Variants in DNAH7 observed in about 807,000 individuals in gnomAD.
DNAH7 encodes the protein axonemal beta dynein heavy chain 7.
A neutral mutation model predicts 444.6 loss-of-function variants in DNAH7; 397 were observed. That is an observed-to-expected ratio of 0.89 (90% CI 0.82 to 0.97). The LOEUF is 0.97. DNAH7 is among the 50% of genes least tolerant of loss of function. The pLI is 0.00. For synonymous variants in DNAH7, 1,636 were observed against 1,624.4 expected, an observed-to-expected ratio of 1.01 and a Z score of -0.17; for missense variants, 4,902 against 4,800.8, an observed-to-expected ratio of 1.02 and a Z score of -0.62.
At chr2:195,880,063 A>G (rs1250828177) in intron 36 of DNAH7, among the ~76,000 whole-genome samples, 1 of 152,176 alleles carries the variant, frequency 6.6e-6, no homozygotes, top group Non-Finnish European at 1.5e-5. Flanking sequence ...TAGACATGCA[A>G]TAATTTGAAG....
intron 61 of DNAH7, 31 bp downstream of exon 61, chr2:195,771,629 T>TG: frequency 2.0e-6 from 3 of 1,486,458 alleles, no homozygotes; most frequent in Non-Finnish European, 2.8e-6. Context: ...TATAATTTAA[T>TG]GGGGGTTTTT....
intron 51 of DNAH7, among the ~76,000 whole-genome samples, chr2:195,815,412 T>C (rs970747076): frequency 1.2e-4 from 18 of 151,886 alleles, no homozygotes; most frequent in African/African-American, 4.4e-4. Flanking sequence ...ATATTCAAAC[T>C]TGTAAAATAA....
chr2:195,810,575 C>A (rs566356005), intron 51 of DNAH7, among the ~76,000 whole-genome samples: 14 of 151,766 alleles, frequency 9.2e-5, no homozygotes, highest in African/African-American at 2.9e-4. Flanking sequence ...CCATGCCTGG[C>A]TAATTTTGGC....
chr2:195,905,520 G>C (rs192357252), intron 27 of DNAH7: 1 of 152,230 alleles, frequency 6.6e-6, no homozygotes, highest in Admixed American at 6.5e-5. Context: ...TTTAGTCTGG[G>C]AAGCTGTCAG....
At chr2:195,930,082 C>T (rs925298078) in intron 21 of DNAH7, among the ~76,000 whole-genome samples, 2 of 152,144 alleles carry the variant, frequency 1.3e-5, no homozygotes, top group South Asian at 2.1e-4. Flanking sequence ...CGCTGGCTCA[C>T]GCCTGTAATC....
In DNAH7 at chr2:195,957,321, T is replaced by C. The variant is rs2125511840; in HGVS notation, c.3018A>G (p.Glu1006=). The change falls in exon 19 of 65, where the codon GAA becomes GAG. Residue 1006 remains glutamate (E), a synonymous_variant. Coordinates refer to ENST00000312428, the MANE Select transcript of DNAH7 (RefSeq NM_018897.3). ...TATCCACAGCTGTAAATCGTCTGCC[T>C]TCCTCAGGCATTTGAGACATAATGT... The part of the protein sequence containing the change: ...SPDIMSQMPE[E]GRRFTAVDKT... The C allele has an allele frequency of 2.5e-6, 4 of 1,606,738 alleles. No individual in the cohort carries two copies. The East Asian group carries it at 9.0e-5, about 36-fold the overall frequency.
At chr2:195,868,779 C>T (rs112698499) in intron 40 of DNAH7, among the ~76,000 whole-genome samples, 7 of 150,446 alleles carry the variant, frequency 4.7e-5, no homozygotes, top group African/African-American at 1.5e-4. Flanking sequence ...CCAGGTGATA[C>T]GTGCATTAAC....
intron 10 of DNAH7, 100 bp from the exon 11 acceptor site, chr2:196,001,958 T>G (rs1694064014): frequency 1.1e-6 from 1 of 905,350 alleles, no homozygotes; most frequent in African/African-American, 1.7e-5. Context: ...AAGGTCTTCA[T>G]AGAGAAGTAT....
chr2:196,064,328 TA>T (rs1279805622), intron 1 of DNAH7, among the ~76,000 whole-genome samples: 16 of 22,136 alleles, frequency 7.2e-4, no homozygotes, highest in Admixed American at 1.5e-3. Flanking sequence ...AATAAATAAA[TA>T]AATAAATAAA....
At chr2:195,879,889 T>C (rs999237515) in intron 36 of DNAH7, among the ~76,000 whole-genome samples, 3 of 152,196 alleles carry the variant, frequency 2.0e-5, no homozygotes, top group Non-Finnish European at 4.4e-5. Context: ...TATGAAATTA[T>C]AGACTCCTTC....
chr2:196,032,646 GA>G (rs1461099679), intron 5 of DNAH7, among the ~76,000 whole-genome samples: 1 of 152,168 alleles, frequency 6.6e-6, no homozygotes, highest in African/African-American at 2.4e-5. Context: ...TGCCAACCAA[GA>G]AAAGTTCAAG....
Position 195,998,915 on chromosome 2 carries a change from C to G in DNAH7, c.1353+1789G>C, listed in dbSNP as rs1240269517. On this transcript the variant is annotated intron_variant, in intron 12 of 64. Transcript: ENST00000312428. ...ACAACAAAAAAAAAAGTCTAAGGGA[C>G]CAAAATGAGAGAAAGCATGAGTTGA... 5 of 501,792 alleles carry G rather than the reference C, an allele frequency of 1.0e-5. No individual in the cohort carries two copies. The East Asian group carries it at 1.5e-4, about 15-fold the overall frequency. 31.1% of individuals were successfully genotyped at this position (501,792 alleles called of 1,614,324 possible). A position where few individuals can be genotyped will look rare whatever the true frequency, so the allele number is the denominator to read the frequency against.
chr2:195,940,276 A>G (rs773133946), intron 19 of DNAH7, among the ~76,000 whole-genome samples: 25 of 152,052 alleles, frequency 1.6e-4, no homozygotes, highest in Non-Finnish European at 2.5e-4. Flanking sequence ...ATTGGGAAAA[A>G]AATCCCTATT....
rs370166766 is a variant in DNAH7, at chr2:196,047,484, C to T, written c.266G>A (p.Arg89His). Residue 89 changes from arginine (R) to histidine (H), a missense_variant, in exon 5 of 65, where the codon CGT becomes CAT. Transcript: ENST00000312428. ...GGGTAATTTGCCCTTTTTTCCAAAACGTTCCATGTATTCAGCTTAAATTAA... is the reference window on the plus strand; with the variant it reads ...GGGTAATTTGCCCTTTTTTCCAAAATGTTCCATGTATTCAGCTTAAATTAA... The part of the protein sequence containing the change: ...NEQSHAEYME[R>H]FGKKGKLPHQ... 3.1e-5 allele frequency: 50 copies of T among 1,589,236 alleles called. No individual in the cohort carries two copies. The highest frequency in any genetic ancestry group is 1.7e-4 in the Middle Eastern group (1 of 5,916).
rs566757183 is a variant in DNAH7 at position 195,779,554 on chromosome 2, GT to G, written c.10879-1570del. ...TTTCATATGTTTTATAATATTTGTT[GT>G]TTTTTTTTTAAACTAGCCTCCTATC... On this transcript the variant is annotated intron_variant, in intron 58 of 64. Coordinates refer to ENST00000312428, the MANE Select transcript of DNAH7 (RefSeq NM_018897.3). Among the ~76,000 whole-genome samples, 375 of 148,182 alleles carry G rather than the reference GT, an allele frequency of 2.5e-3. 2 individuals carry two copies. The highest frequency in any genetic ancestry group is 8.5e-3 in the African/African-American group (344 of 40,458).
intron 30 of DNAH7, among the ~76,000 whole-genome samples, chr2:195,892,130 AAAGAT>A (rs1324541973): frequency 6.6e-6 from 1 of 152,224 alleles, no homozygotes; most frequent in African/African-American, 2.4e-5. Context: ...TTCTTCTGTA[AAAGAT>A]AAGATGGTAA....
chr2:195,865,034 T>C lies in DNAH7; in HGVS notation c.6634-13A>G. ...ACACTCGAAGGACCTGTATAATAAT[T>C]AAAAAGCAGCTTTAGAAACTTTCTT... is the stretch of plus-strand genomic sequence containing the variant. On this transcript the variant is annotated splice_polypyrimidine_tract_variant and intron_variant, in intron 40 of 64. Transcript: ENST00000312428. The C allele has an allele frequency of 6.5e-7, 1 of 1,546,008 alleles. No individual in the cohort carries two copies. Among genetic ancestry groups the C allele is most frequent in the Non-Finnish European group, 8.6e-7 (1 of 1,157,638 alleles).
chr2:196,037,455 A>G (rs1279443413), intron 5 of DNAH7, among the ~76,000 whole-genome samples: 1 of 152,234 alleles, frequency 6.6e-6, no homozygotes, highest in African/African-American at 2.4e-5. Flanking sequence ...AATGATCTCA[A>G]GAAAACTCAG....
intron 2 of DNAH7, among the ~76,000 whole-genome samples, chr2:196,052,602 C>T (rs1481249957): frequency 6.6e-6 from 1 of 152,208 alleles, no homozygotes; most frequent in Non-Finnish European, 1.5e-5. Flanking sequence ...TGTTGTACCA[C>T]TTTTATGCCT....
Sources: gnomAD v4.1 joint callset for allele counts (sites outside exome capture counted in the v4.1 genomes callset) on GRCh38, gnomAD v4.1.1 for gene constraint, MANE v1.5 for transcripts, NCBI Gene and HGNC (gene_info 2026-07-23, HGNC 2026-07-21) for gene names.